AIG1: variants seen among roughly 807,000 people sequenced by gnomAD.
The protein encoded by AIG1 is androgen-induced gene 1 protein.
AIG1 carries 23 observed loss-of-function variants against 31.4 expected under a neutral mutation model. That is an observed-to-expected ratio of 0.73 (90% CI 0.53 to 1.04). The LOEUF is 1.04. Among genes scored for constraint, AIG1 ranks in the 50% least tolerant of loss-of-function variants. The pLI, the probability that AIG1 is intolerant of heterozygous loss-of-function variation, is 0.00. For missense variants in AIG1, 274 were observed against 295.0 expected (o/e 0.93, Z 0.52); for synonymous variants, 100 against 110.5 (o/e 0.90, Z 0.60).
chr6:143,156,804 C>T (rs1785808976), intron 2 of AIG1, among the ~76,000 whole-genome samples: 1 of 152,222 alleles, frequency 6.6e-6, no homozygotes, highest in African/African-American at 2.4e-5. Flanking sequence ...TAAATTGGGG[C>T]AGGGTCTTTA....
Position 143,338,825 on chromosome 6 carries a change from C to T in AIG1, c.680-814C>T, listed in dbSNP as rs562271303. The T allele has an allele frequency of 7.2e-5, 11 of 152,108 alleles. No homozygotes were observed. The highest frequency in any genetic ancestry group is 1.6e-4 in the Non-Finnish European group (11 of 68,002). The allele number at this position is 152,108 out of a possible 1,614,324, so 9.4% of individuals were successfully genotyped here. ...AGTGGTATTTTAAGTTATTTTGTTT[C>T]ATTTTTGCTATTGAAACAAAGAAAC... On this transcript the variant is annotated intron_variant, in intron 5 of 5. Transcript: ENST00000357847. The surrounding 1 kb of genome is among the most constrained non-coding windows in gnomAD (Gnocchi z 4.3).
At chr6:143,295,134 A>G (rs9496563) in intron 4 of AIG1, among the ~76,000 whole-genome samples, 8,087 of 152,142 alleles carry the variant, frequency 0.053, 548 homozygotes, top group African/African-American at 0.15. Flanking sequence ...AATCTATGAG[A>G]CATCCTCAAC....
intron 2 of AIG1, among the ~76,000 whole-genome samples, chr6:143,139,379 G>A (rs1249238877): frequency 6.7e-6 from 1 of 148,172 alleles, no homozygotes; most frequent in Non-Finnish European, 1.5e-5. Context: ...CTCTCTGACA[G>A]CCCAGCCAGT....
upstream of AIG1, chr6:143,060,864 G>A (rs1307468260): frequency 1.7e-6 from 2 of 1,173,438 alleles, no homozygotes; most frequent in Non-Finnish European, 2.1e-6. Flanking sequence ...GCCCCCGCGC[G>A]CCCGGCGCCT....
chr6:143,294,078 A>C (rs964215853), intron 4 of AIG1, among the ~76,000 whole-genome samples: 4 of 152,120 alleles, frequency 2.6e-5, no homozygotes, highest in African/African-American at 7.2e-5. Context: ...AGACAATAGG[A>C]AAAGGGCCTC....
intron 5 of AIG1, chr6:143,335,134 C>A: frequency 7.1e-7 from 1 of 1,408,122 alleles, no homozygotes; most frequent in Non-Finnish European, 9.3e-7. Flanking sequence ...GTATCATCCT[C>A]ATTTACAAGA....
chr6:143,160,349 G>T (rs1786230266), intron 2 of AIG1, among the ~76,000 whole-genome samples: 2 of 152,244 alleles, frequency 1.3e-5, no homozygotes, highest in African/African-American at 4.8e-5. Flanking sequence ...CAGACTCCAT[G>T]TGAGAGACTC....
At chr6:143,215,805 C>T (rs1791981979) in intron 3 of AIG1, among the ~76,000 whole-genome samples, 1 of 152,162 alleles carries the variant, frequency 6.6e-6, no homozygotes, top group Non-Finnish European at 1.5e-5. Flanking sequence ...AATGAATGAA[C>T]ACTCTAAGGC....
intron 3 of AIG1, among the ~76,000 whole-genome samples, chr6:143,240,310 T>A (rs1405446697): frequency 6.6e-6 from 1 of 152,248 alleles, no homozygotes; most frequent in Non-Finnish European, 1.5e-5. Flanking sequence ...CAGAATACTG[T>A]ACAAGTGCTG....
Position 143,339,823 on chromosome 6 carries a change from A to T in AIG1, c.*147A>T. 2 of 640,926 alleles carry T rather than the reference A, an allele frequency of 3.1e-6. No individual in the cohort carries two copies. The highest frequency in any genetic ancestry group is 5.2e-6 in the Non-Finnish European group (2 of 385,296). The allele number at this position is 640,926 out of a possible 1,614,324, so 39.7% of individuals were successfully genotyped here. ...CAATGAGGACACCTTTTATATATAA[A>T]TATGTATAAACATAGAATACAGTTG... is the stretch of plus-strand genomic sequence containing the variant. On this transcript the variant is annotated 3_prime_UTR_variant, in exon 6 of 6. Coordinates refer to ENST00000357847, the MANE Select transcript of AIG1 (RefSeq NM_016108.4).
intron 3 of AIG1, among the ~76,000 whole-genome samples, chr6:143,187,145 C>A (rs978088274): frequency 3.9e-5 from 6 of 152,218 alleles, no homozygotes; most frequent in Non-Finnish European, 4.4e-5. Flanking sequence ...GTACTCCTAA[C>A]AAAAAATTAA....
intron 1 of AIG1, among the ~76,000 whole-genome samples, chr6:143,091,927 A>G (rs1451229094): frequency 2.0e-5 from 3 of 152,118 alleles, no homozygotes; most frequent in Admixed American, 6.5e-5. Context: ...AAATTAGGTG[A>G]GAGGAAACAC....
chr6:143,121,364 C>T (rs545295199), intron 1 of AIG1, among the ~76,000 whole-genome samples: 32 of 152,366 alleles, frequency 2.1e-4, no homozygotes, highest in African/African-American at 7.0e-4. Flanking sequence ...AGGTGCTGCT[C>T]TCTGATCAAG....
At chr6:143,271,441 G>A (rs143687434) in intron 3 of AIG1, among the ~76,000 whole-genome samples, 15 of 152,258 alleles carry the variant, frequency 9.9e-5, no homozygotes, top group African/African-American at 3.6e-4. Context: ...AAAGGTTTGG[G>A]TTATAGATTT....
chr6:143,154,826 G>A (rs1037859024), intron 2 of AIG1, among the ~76,000 whole-genome samples: 1 of 151,928 alleles, frequency 6.6e-6, no homozygotes, highest in Non-Finnish European at 1.5e-5. Flanking sequence ...AAAATTGAGG[G>A]CTTTTTTGTT....
chr6:143,264,846 G>C (rs1456052035), intron 3 of AIG1, among the ~76,000 whole-genome samples: 1 of 152,166 alleles, frequency 6.6e-6, no homozygotes, highest in Non-Finnish European at 1.5e-5. Flanking sequence ...CTTATTATAG[G>C]CTTGAGAACT....
At chr6:143,296,127 A>T (rs1798410005) in intron 4 of AIG1, among the ~76,000 whole-genome samples, 1 of 152,100 alleles carries the variant, frequency 6.6e-6, no homozygotes, top group Non-Finnish European at 1.5e-5. Context: ...GTTCAATGGT[A>T]ACCATATAAA....
In AIG1 at chr6:143,285,399, C is replaced by T. The variant is rs544895349; in HGVS notation, c.515+1174C>T. 6.6e-5 allele frequency among the ~76,000 whole-genome samples: 10 copies of T among 150,920 alleles called. No homozygotes were observed. In the South Asian group the frequency reaches 1.7e-3, roughly 25 times the overall value. On this transcript the variant is annotated intron_variant, in intron 4 of 5. Transcript: ENST00000357847. ...CTCCCCAGCTGGGTGCTGTGGCTCA[C>T]GCTTGTAATCCCAGCACTTTGGGAC...
intron 5 of AIG1, among the ~76,000 whole-genome samples, chr6:143,337,600 C>A (rs1777596568): frequency 6.6e-6 from 1 of 152,154 alleles, no homozygotes; most frequent in Admixed American, 6.5e-5. Context: ...TTTTGTAAGA[C>A]CAGAAATGAG....
Sources: gnomAD v4.1 joint callset for allele counts (sites outside exome capture counted in the v4.1 genomes callset) on GRCh38, gnomAD v4.1.1 for gene constraint, Gnocchi (gnomAD v3.1) non-coding constraint, MANE v1.5 for transcripts, NCBI Gene and HGNC (gene_info 2026-07-23, HGNC 2026-07-21) for gene names.